NKAIN2: variants seen among roughly 807,000 people sequenced by gnomAD.
NKAIN2 encodes the protein sodium/potassium-transporting ATPase subunit beta-1-interacting protein 2.
NKAIN2 carries 14 observed loss-of-function variants against 32.6 expected under a neutral mutation model. The observed-to-expected ratio is 0.43, with a 90% CI of 0.28 to 0.67. The LOEUF (loss-of-function observed/expected upper bound fraction) is 0.67, where lower values mean the gene tolerates loss of function less well. Among genes scored for constraint, NKAIN2 ranks in the 30% least tolerant of loss-of-function variants. The probability of loss-of-function intolerance (pLI) is 0.17; values close to 1 mark genes in which losing one functional copy is unlikely to be tolerated. For synonymous variants in NKAIN2, 80 were observed against 87.2 expected (o/e 0.92, Z 0.46); for missense variants, 198 against 258.3 (o/e 0.77, Z 1.60).
At chr6:124,089,126 G>A (rs891042730) in intron 1 of NKAIN2, among the ~76,000 whole-genome samples, 1 of 151,966 alleles carries the variant, frequency 6.6e-6, no homozygotes, top group African/African-American at 2.4e-5. Context: ...AACTTGAGGG[G>A]AGAGACACTC....
At chr6:124,714,456 A>G (rs1775654598) in intron 4 of NKAIN2, among the ~76,000 whole-genome samples, 1 of 152,202 alleles carries the variant, frequency 6.6e-6, no homozygotes, top group Non-Finnish European at 1.5e-5. Context: ...TGGAGCTGAC[A>G]TGGAAGTTTA....
chr6:124,280,262 T>A (rs937198391), intron 1 of NKAIN2, among the ~76,000 whole-genome samples: 1 of 152,158 alleles, frequency 6.6e-6, no homozygotes, highest in Non-Finnish European at 1.5e-5. Flanking sequence ...AAAAAGGAGC[T>A]TTGTCTTAAC....
chr6:124,153,359 A>G (rs866028011), intron 1 of NKAIN2, among the ~76,000 whole-genome samples: 1 of 151,820 alleles, frequency 6.6e-6, no homozygotes, highest in African/African-American at 2.4e-5. Context: ...TTAGAATTCT[A>G]TGTTTGATTT....
At chr6:124,355,404 A>T in intron 3 of NKAIN2, 57 bp downstream of exon 3, 1 of 952,734 alleles carries the variant, frequency 1.0e-6, no homozygotes, top group Non-Finnish European at 1.7e-6. Context: ...GTCTCTTCCT[A>T]AGTAAGGCAG....
At chr6:124,422,591 A>G (rs1342722471) in intron 3 of NKAIN2, among the ~76,000 whole-genome samples, 2 of 152,324 alleles carry the variant, frequency 1.3e-5, no homozygotes, top group East Asian at 3.9e-4. Context: ...TAGATTATTC[A>G]TGCCTAACTA....
chr6:124,784,960 T>G (rs531906700), intron 4 of NKAIN2, among the ~76,000 whole-genome samples: 21 of 152,180 alleles, frequency 1.4e-4, no homozygotes, highest in Non-Finnish European at 2.9e-4. Flanking sequence ...CTTTTGGAAT[T>G]AGTAAGTTTG....
intron 1 of NKAIN2, among the ~76,000 whole-genome samples, chr6:123,838,148 A>G (rs1169944457): frequency 6.6e-6 from 1 of 152,162 alleles, no homozygotes; most frequent in Non-Finnish European, 1.5e-5. Flanking sequence ...TGTTTCAGGA[A>G]TGCAACAATG....
chr6:124,726,843 A>G lies in NKAIN2; in HGVS notation c.475-64496A>G, dbSNP rs1242454326. On this transcript the variant is annotated intron_variant, in intron 4 of 6. Coordinates refer to ENST00000368417, the MANE Select transcript of NKAIN2 (RefSeq NM_001040214.3). ...AGAAGAATGTATAACTAGAATAACC[A>G]ATACAGAGAAGTGCTTAAAGGAGCT... Among the ~76,000 whole-genome samples, 14 of 130,854 alleles carry G rather than the reference A, an allele frequency of 1.1e-4. No individual in the cohort carries two copies. The East Asian group carries it at 3.0e-3, about 28-fold the overall frequency. The allele number at this position is 130,854 out of a possible 152,430, so 85.8% of individuals were successfully genotyped here.
At chr6:123,896,792 A>AT (rs1437078332) in intron 1 of NKAIN2, among the ~76,000 whole-genome samples, 1 of 152,176 alleles carries the variant, frequency 6.6e-6, no homozygotes, top group East Asian at 1.9e-4. Context: ...AGATGTAAGA[A>AT]TTCTGAAATT....
chr6:123,990,444 A>T (rs758345309), intron 1 of NKAIN2, among the ~76,000 whole-genome samples: 2 of 152,170 alleles, frequency 1.3e-5, no homozygotes, highest in Non-Finnish European at 2.9e-5. Context: ...AATGTTTTAG[A>T]GGTACATGGT....
intron 3 of NKAIN2, among the ~76,000 whole-genome samples, chr6:124,434,935 T>A (rs1301647282): frequency 6.6e-6 from 1 of 152,290 alleles, no homozygotes; most frequent in East Asian, 1.9e-4. Flanking sequence ...ATTATTTTAC[T>A]CATTCAACAA....
chr6:124,507,967 A>G (rs1292811575), intron 3 of NKAIN2, among the ~76,000 whole-genome samples: 2 of 152,264 alleles, frequency 1.3e-5, no homozygotes, highest in East Asian at 3.9e-4. Flanking sequence ...AAAACACCCA[A>G]TTAGGCCAGG....
intron 2 of NKAIN2, among the ~76,000 whole-genome samples, chr6:124,328,734 G>T (rs770640952): frequency 1.3e-4 from 20 of 152,158 alleles, no homozygotes; most frequent in Non-Finnish European, 2.5e-4. Context: ...GCAGGCGTTT[G>T]TACTCCCCGT....
intron 1 of NKAIN2, among the ~76,000 whole-genome samples, chr6:124,107,622 T>G (rs2114962725): frequency 6.6e-6 from 1 of 152,250 alleles, no homozygotes; most frequent in African/African-American, 2.4e-5. Flanking sequence ...AGGCACAACG[T>G]TGCATGCAGA....
In NKAIN2 at chr6:123,947,848, C is replaced by A. The variant is rs957931106; in HGVS notation, c.54+143594C>A. 3.9e-5 allele frequency among the ~76,000 whole-genome samples: 6 copies of A among 152,132 alleles called. No homozygotes were observed. In the East Asian group the frequency reaches 1.2e-3, roughly 29 times the overall value. On this transcript the variant is annotated intron_variant, in intron 1 of 6. Transcript: ENST00000368417. ...CCTACTCTGCTATCAAACATTAAAA[C>A]CTATTCCTTCTGTCTAACTGTGTAT...
rs368552292 is a variant in NKAIN2 at position 123,924,406 on chromosome 6, A to G, written c.54+120152A>G. Among the ~76,000 whole-genome samples, 35 of 152,340 alleles carry G rather than the reference A, an allele frequency of 2.3e-4. 2 individuals are homozygous for G. In the South Asian group the frequency reaches 7.0e-3, roughly 31 times the overall value. ...TTGTGTGACTTTAAATCATTTAGCTATTCTAAACCTCAGTTTCCTCATCTG... is the reference window on the plus strand; with the variant it reads ...TTGTGTGACTTTAAATCATTTAGCTGTTCTAAACCTCAGTTTCCTCATCTG... On this transcript the variant is annotated intron_variant, in intron 1 of 6. Transcript: ENST00000368417.
At chr6:124,639,766 C>T (rs1424777634) in intron 3 of NKAIN2, among the ~76,000 whole-genome samples, 4 of 152,002 alleles carry the variant, frequency 2.6e-5, no homozygotes, top group Non-Finnish European at 5.9e-5. Flanking sequence ...CTCGTATGTG[C>T]GAGCTGAACA....
intron 2 of NKAIN2, among the ~76,000 whole-genome samples, chr6:124,332,246 C>CAG (rs756473810): frequency 2.7e-5 from 4 of 150,774 alleles, no homozygotes; most frequent in African/African-American, 7.3e-5. Flanking sequence ...CACACACACA[C>CAG]AGAGAGAGAG....
At chr6:124,625,103 G>C (rs867342150) in intron 3 of NKAIN2, among the ~76,000 whole-genome samples, 5 of 143,590 alleles carry the variant, frequency 3.5e-5, no homozygotes, top group Admixed American at 7.1e-5. Context: ...CCTCAATATT[G>C]ATCTGTGTTT....
Sources: allele counts gnomAD v4.1 joint callset (sites outside exome capture counted in the v4.1 genomes callset), GRCh38; gene constraint gnomAD v4.1.1; transcripts MANE v1.5; gene names NCBI Gene and HGNC (gene_info 2026-07-23, HGNC 2026-07-21).